The following MAP3K9 variants were observed in gnomAD, a reference collection of about 807,000 sequenced individuals.
The protein encoded by MAP3K9 is mixed lineage kinase 1 (tyr and ser/thr specificity).
MAP3K9 carries 46 observed loss-of-function variants against 95.8 expected under a neutral mutation model. The observed-to-expected ratio is 0.48, with a 90% confidence interval of 0.38 to 0.61. The LOEUF is 0.61. MAP3K9 is among the 20% of genes least tolerant of loss of function. MAP3K9 has a pLI of 0.00. For missense variants in MAP3K9, 1,296 were observed against 1,474.3 expected, an observed-to-expected ratio of 0.88 and a Z score of 1.98; for synonymous variants, 533 against 593.8, an observed-to-expected ratio of 0.90 and a Z score of 1.49.
intron 5 of MAP3K9, among the ~76,000 whole-genome samples, chr14:70,743,475 T>A (rs1223416760): frequency 6.6e-6 from 1 of 151,388 alleles, no homozygotes; most frequent in Admixed American, 6.6e-5. Context: ...AAAGGGCTAA[T>A]ATCCAGAATC....
rs181822417 is a variant in MAP3K9 at position 70,738,412 on chromosome 14, G to A, written c.1691-14C>T. The A allele has an allele frequency of 9.1e-3, 14,649 of 1,612,834 alleles. 97 individuals carry two copies. Among genetic ancestry groups the A allele is most frequent in the Middle Eastern group, 0.022 (136 of 6,058 alleles). The stretch of plus-strand genomic sequence containing the variant: ...CACCTGGTGTCACTGTGAATCACAA[G>A]GGTTGGATAGGATCTAGAAAATGGA... On this transcript the variant is annotated splice_polypyrimidine_tract_variant and intron_variant, in intron 7 of 11. Transcript: ENST00000554752.
chr14:70,774,469 C>T (rs2054570051), intron 2 of MAP3K9, among the ~76,000 whole-genome samples: 1 of 149,628 alleles, frequency 6.7e-6, no homozygotes, highest in Admixed American at 6.7e-5. Context: ...TCGAGACCAG[C>T]CTGGCCAACA....
At position 70,728,418 on chromosome 14, in the gene MAP3K9, C is replaced by G. The variant is rs561540208; in HGVS notation, c.*1962G>C. The G allele has an allele frequency of 6.6e-6, 1 of 152,208 alleles. No individual in the cohort carries two copies. Among genetic ancestry groups the G allele is most frequent in the East Asian group, 1.9e-4 (1 of 5,192 alleles). 9.4% of individuals were successfully genotyped at this position (152,208 alleles called of 1,614,324 possible). On this transcript the variant is annotated 3_prime_UTR_variant, in exon 12 of 12. Coordinates refer to ENST00000554752, the MANE Select transcript of MAP3K9 (RefSeq NM_001284230.2). ...GGATTACAGGCGTGAGCCACCGCGC[C>G]CTGTCAGAACAAACTTTGTATGTAC...
rs895710067 is a variant in MAP3K9, at chr14:70,726,378, T to C, written c.*4002A>G. ...AACAAGGGGACCCTTTTCCAAAGAT[T>C]CTTCCAGGAACTGGGATGATCCCAG... On this transcript the variant is annotated 3_prime_UTR_variant, in exon 12 of 12. Transcript: ENST00000554752. The C allele has an allele frequency of 6.6e-6, 1 of 152,224 alleles. No homozygotes were observed. The highest frequency in any genetic ancestry group is 1.5e-5 in the Non-Finnish European group (1 of 68,036). The allele number at this position is 152,224 out of a possible 1,614,324, so 9.4% of individuals were successfully genotyped here. A position where few individuals can be genotyped will look rare whatever the true frequency, so the allele number is the denominator to read the frequency against.
chr14:70,752,197 A>C (rs2054237907), intron 3 of MAP3K9, among the ~76,000 whole-genome samples: 1 of 152,226 alleles, frequency 6.6e-6, no homozygotes, highest in Non-Finnish European at 1.5e-5. Flanking sequence ...AGCATTGGAT[A>C]CTTTACGATG....
At position 70,742,449 on chromosome 14, in the gene MAP3K9, T is replaced by C; in HGVS notation, c.1469A>G (p.Gln490Arg). The C allele has an allele frequency of 6.2e-7, 1 of 1,614,176 alleles. No individual in the cohort carries two copies. Among genetic ancestry groups the C allele is most frequent in the Non-Finnish European group, 8.5e-7 (1 of 1,180,024 alleles). ...CACCCGGGGCTTCTCCTGGCACAGCTGGTGGATGATGATGTTGAGCTCCCG... is the reference window on the plus strand; with the variant it reads ...CACCCGGGGCTTCTCCTGGCACAGCCGGTGGATGATGATGTTGAGCTCCCG... Reference protein sequence around the residue: ...LERELNIIIHQLCQEKPRVKK... With the variant: ...LERELNIIIHRLCQEKPRVKK... The change falls in exon 6 of 12, where the codon CAG becomes CGG. Residue 490 changes from glutamine to arginine, a missense_variant. Physicochemically the swap from Gln to Arg is conservative, Grantham distance 43 (BLOSUM62 1). Transcript: ENST00000554752.
In MAP3K9 at chr14:70,806,545, C is replaced by T. The variant is rs577320547; in HGVS notation, c.406+2221G>A. Among the ~76,000 whole-genome samples, 5 of 152,340 alleles carry T rather than the reference C, an allele frequency of 3.3e-5. No homozygotes were observed. The South Asian group carries it at 1.0e-3, about 32-fold the overall frequency. ...TTCCATTAGAACAAGTTACTTCCTA[C>T]TTTCTCAACATCTGGGTTCCAGATT... On this transcript the variant is annotated intron_variant, in intron 1 of 11. Coordinates refer to ENST00000554752, the MANE Select transcript of MAP3K9 (RefSeq NM_001284230.2).
chr14:70,808,695 TC>T, intron 1 of MAP3K9, 70 bp downstream of exon 1: 3 of 297,212 alleles, frequency 1.0e-5, no homozygotes, highest in South Asian at 3.9e-5. Flanking sequence ...CGCGCAGTGC[TC>T]CCCCCTTCCC....
chr14:70,762,698 T>C (rs1236757130), intron 2 of MAP3K9, among the ~76,000 whole-genome samples: 1 of 152,262 alleles, frequency 6.6e-6, no homozygotes, highest in Non-Finnish European at 1.5e-5. Flanking sequence ...CTACTGGCTG[T>C]CTTCTCCCTT....
rs1481120297 is a variant in MAP3K9, at chr14:70,723,508, A to T, written c.*6872T>A. ...CACAACTCCTCCTTGGGCAAAGGGC[A>T]ATCTCAAAACCTCGGTGGACCTGAG... On this transcript the variant is annotated 3_prime_UTR_variant, in exon 12 of 12. Coordinates refer to ENST00000554752, the MANE Select transcript of MAP3K9 (RefSeq NM_001284230.2). The T allele has an allele frequency of 6.6e-6, 1 of 152,238 alleles. No individual in the cohort carries two copies. The highest frequency in any genetic ancestry group is 1.9e-4 in the East Asian group (1 of 5,192). The allele number at this position is 152,238 out of a possible 1,614,324, so 9.4% of individuals were successfully genotyped here. A position where few individuals can be genotyped will look rare whatever the true frequency, so the allele number is the denominator to read the frequency against.
At chr14:70,769,295 A>G (rs543622482) in intron 2 of MAP3K9, among the ~76,000 whole-genome samples, 2 of 152,364 alleles carry the variant, frequency 1.3e-5, no homozygotes, top group South Asian at 2.1e-4. Context: ...CGGTCCCTTT[A>G]GAAGTTCCAT....
chr14:70,767,310 T>A (rs555144757), intron 2 of MAP3K9, among the ~76,000 whole-genome samples: 1 of 138,126 alleles, frequency 7.2e-6, no homozygotes, highest in South Asian at 2.3e-4. Context: ...CTTGAACCCA[T>A]GAGGCGGAGG....
At chr14:70,789,780 C>T (rs1212441642) in intron 2 of MAP3K9, among the ~76,000 whole-genome samples, 3 of 152,178 alleles carry the variant, frequency 2.0e-5, no homozygotes, top group Non-Finnish European at 4.4e-5. Flanking sequence ...GGGAAAGGGA[C>T]ATGCAACCCA....
Position 70,726,629 on chromosome 14 carries a change from T to C in MAP3K9, c.*3751A>G, listed in dbSNP as rs559203271. Reference sequence around the variant, plus strand: ...GAATGCTTGTCAACACCAGATGCTATATAAATGCGGCAGAAGGGCATGGGC... The same window carrying C: ...GAATGCTTGTCAACACCAGATGCTACATAAATGCGGCAGAAGGGCATGGGC... On this transcript the variant is annotated 3_prime_UTR_variant, in exon 12 of 12. Coordinates refer to ENST00000554752, the MANE Select transcript of MAP3K9 (RefSeq NM_001284230.2). 2.1e-4 allele frequency: 32 copies of C among 152,386 alleles called. No individual in the cohort carries two copies. The highest frequency in any genetic ancestry group is 6.5e-4 in the African/African-American group (27 of 41,586). 9.4% of individuals were successfully genotyped at this position (152,386 alleles called of 1,614,324 possible).
intron 1 of MAP3K9, among the ~76,000 whole-genome samples, chr14:70,803,416 T>A (rs1275628645): frequency 7.1e-6 from 1 of 140,862 alleles, no homozygotes; most frequent in African/African-American, 2.7e-5. Context: ...CACACTTCAC[T>A]GAAAAAAAAA....
chr14:70,754,390 A>T (rs531329888), intron 3 of MAP3K9, among the ~76,000 whole-genome samples: 1 of 152,170 alleles, frequency 6.6e-6, no homozygotes, highest in African/African-American at 2.4e-5. Context: ...CATTATCTCT[A>T]TAAGTGGGTT....
chr14:70,755,609 C>T (rs909964968), intron 3 of MAP3K9, among the ~76,000 whole-genome samples: 2 of 152,316 alleles, frequency 1.3e-5, no homozygotes, highest in Admixed American at 1.3e-4. Context: ...TACCAGTGTA[C>T]AAGCATTGCT....
chr14:70,732,109 G>T (rs555248519), intron 11 of MAP3K9, among the ~76,000 whole-genome samples: 19 of 152,258 alleles, frequency 1.2e-4, no homozygotes, highest in African/African-American at 4.6e-4. Context: ...ATAATGAGAG[G>T]CAAAATCCCA....
At position 70,722,549 on chromosome 14, in the gene MAP3K9, A is replaced by G. The variant is rs1333496425; in HGVS notation, c.*7831T>C. The G allele has an allele frequency of 6.6e-6, 1 of 152,230 alleles. No homozygotes were observed. The highest frequency in any genetic ancestry group is 1.9e-4 in the East Asian group (1 of 5,196). The allele number at this position is 152,230 out of a possible 1,614,324, so 9.4% of individuals were successfully genotyped here. On this transcript the variant is annotated 3_prime_UTR_variant, in exon 12 of 12. Transcript: ENST00000554752. ...GGTAATCGTTATAACAGTTTTATTC[A>G]AGTCTCTGTGTGCTCTGGCATTGAG... is the stretch of plus-strand genomic sequence containing the variant.
Sources: allele counts gnomAD v4.1 joint callset (sites outside exome capture counted in the v4.1 genomes callset), GRCh38; gene constraint gnomAD v4.1.1; transcripts MANE v1.5; gene names NCBI Gene and HGNC (gene_info 2026-07-23, HGNC 2026-07-21).